ACP6: variants seen among roughly 807,000 people sequenced by gnomAD.
The protein encoded by ACP6 is lysophosphatidic acid phosphatase type 6.
Under a neutral mutation model 48.1 loss-of-function variants are expected in ACP6, and 48 were observed. The ratio of observed to expected loss-of-function variants is 1.00; its 90% CI spans 0.79 to 1.27. ACP6 has a LOEUF of 1.27. Ranked by LOEUF, ACP6 falls within the 50% of genes most tolerant of loss-of-function variation. The pLI, the probability that ACP6 is intolerant of heterozygous loss-of-function variation, is 0.00. For synonymous variants in ACP6, 172 were observed against 204.2 expected (o/e 0.84, Z 1.34); for missense variants, 485 against 529.1 (o/e 0.92, Z 0.82).
intron 8 of ACP6, 108 bp downstream of exon 8, chr1:147,650,035 G>T: frequency 1.1e-6 from 1 of 873,112 alleles, no homozygotes; most frequent in Non-Finnish European, 1.8e-6. Context: ...ATCTACCTTC[G>T]GTCACTGACA....
intron 8 of ACP6, among the ~76,000 whole-genome samples, chr1:147,649,569 C>T (rs587729012): frequency 2.6e-5 from 4 of 152,094 alleles, no homozygotes; most frequent in East Asian, 1.9e-4. Flanking sequence ...CTCAACCTCC[C>T]GAGTAGCTGA....
intron 5 of ACP6, 147 bp downstream of exon 5, chr1:147,655,014 G>A (rs80010497): frequency 0.026 from 16,351 of 619,854 alleles, 1,094 homozygotes; most frequent in African/African-American, 0.19. Context: ...GACAGCTGAT[G>A]TCACACTTAA....
chr1:147,652,380 A>G (rs2148905806), intron 7 of ACP6, 69 bp downstream of exon 7: 1 of 1,474,152 alleles, frequency 6.8e-7, no homozygotes, highest in Non-Finnish European at 9.2e-7. Flanking sequence ...GGCCTGATGA[A>G]CTCCTCTTCC....
Position 147,659,432 on chromosome 1 carries a change from G to C in ACP6, c.443C>G (p.Pro148Arg), listed in dbSNP as rs782376351. Residue 148 changes from proline to arginine, a missense_variant, in exon 3 of 10, where the codon CCC (proline) becomes CGC (arginine). Coordinates refer to ENST00000583509, the MANE Select transcript of ACP6 (RefSeq NM_016361.5). Reference protein sequence around the residue: ...RLRKNYVEDIPFLSPTFNPQE... With the variant: ...RLRKNYVEDIRFLSPTFNPQE... ...TGGGTTGAAGGTTGGTGAAAGAAAG[G>C]GAATGTCTTCCACATAGTTCTTCCT... 6.2e-7 allele frequency: 1 copy of C among 1,614,180 alleles called. No individual in the cohort carries two copies. Among genetic ancestry groups the C allele is most frequent in the South Asian group, 1.1e-5 (1 of 91,084 alleles).
At chr1:147,665,653 T>C (rs746802970) in intron 1 of ACP6, among the ~76,000 whole-genome samples, 27 of 152,226 alleles carry the variant, frequency 1.8e-4, no homozygotes, top group Non-Finnish European at 3.4e-4. Context: ...TCCATCCTTG[T>C]AGTTCCAGTG....
chr1:147,669,858 G>T lies in ACP6; in HGVS notation c.191C>A (p.Pro64His). The part of the protein sequence containing the change: ...QVVFRHGARS[P>H]LKPLPLEEQV... ...CTCCTCCAGCGGGAGCGGCTTGAGA[G>T]GACTCCGAGCCCCGTGTCGAAACAC... Residue 64 changes from proline to histidine, a missense_variant, in exon 1 of 10, where the codon CCT becomes CAT. Coordinates refer to ENST00000583509, the MANE Select transcript of ACP6 (RefSeq NM_016361.5). The T allele has an allele frequency of 6.3e-7, 1 of 1,597,680 alleles. No individual in the cohort carries two copies. Among genetic ancestry groups the T allele is most frequent in the Non-Finnish European group, 8.5e-7 (1 of 1,172,504 alleles).
chr1:147,635,811 C>T (rs782288510), intron 5 of ACP6, among the ~76,000 whole-genome samples: 3 of 152,106 alleles, frequency 2.0e-5, no homozygotes, highest in Non-Finnish European at 4.4e-5. Context: ...TGGCACAGTC[C>T]GCAGGCAGGA....
chr1:147,667,931 G>A (rs6667340), intron 1 of ACP6, among the ~76,000 whole-genome samples: 70,146 of 151,644 alleles, frequency 0.46, 19,201 homozygotes, highest in African/African-American at 0.76. Context: ...CGGAGGTTGC[G>A]GTGAGCCGAG....
chr1:147,660,720 T>C (rs1553212586), intron 1 of ACP6, among the ~76,000 whole-genome samples: 2 of 152,350 alleles, frequency 1.3e-5, no homozygotes, highest in Admixed American at 1.3e-4. Flanking sequence ...TTAATCTTTT[T>C]GGAAAAAATA....
chr1:147,648,088 TG>T, intron 9 of ACP6, 157 bp downstream of exon 9: 3 of 787,466 alleles, frequency 3.8e-6, no homozygotes, highest in Non-Finnish European at 6.0e-6. Flanking sequence ...GCCTGACCCC[TG>T]GGCCATAGCC....
chr1:147,647,537 C>A lies in ACP6; in HGVS notation c.1173G>T (p.Gly391=), dbSNP rs1218051285. The change falls in exon 10 of 10, where the codon GGG becomes GGT. Residue 391 remains glycine, a synonymous_variant. Transcript: ENST00000583509. ...TCAAGAACATGTCCAGCGGGCAGAGCCCATCAGGGCAACCTCTCGGCACCT... is the reference window on the plus strand; with the variant it reads ...TCAAGAACATGTCCAGCGGGCAGAGACCATCAGGGCAACCTCTCGGCACCT... The part of the protein sequence containing the change: ...KEQVPRGCPD[G]LCPLDMFLNA... The A allele has an allele frequency of 2.5e-6, 4 of 1,613,694 alleles. No individual in the cohort carries two copies. In the African/African-American group the frequency reaches 4.0e-5, roughly 16 times the overall value.
Position 147,648,407 on chromosome 1 carries a change from G to A in ACP6, c.982C>T (p.Leu328=), listed in dbSNP as rs782386072. 4.3e-6 allele frequency: 7 copies of A among 1,614,006 alleles called. No homozygotes were observed. ...ACATCATGAGCCGCATAGAGATACA[G>A]CTTTCTGCAAGAGGAAACAGCTCTC... ...SATAPDKIRK[L]YLYAAHDVTF... Residue 328 remains leucine, a synonymous_variant, in exon 9 of 10, where the codon CTG becomes TTG. Coordinates refer to ENST00000583509, the MANE Select transcript of ACP6 (RefSeq NM_016361.5).
rs1197211203 is a variant in ACP6, at chr1:147,643,342, T to G, written c.*4081A>C. The G allele has an allele frequency of 2.6e-5, 4 of 152,206 alleles. No individual in the cohort carries two copies. Among genetic ancestry groups the G allele is most frequent in the Non-Finnish European group, 5.9e-5 (4 of 68,042 alleles). 9.4% of individuals were successfully genotyped at this position (152,206 alleles called of 1,614,324 possible). Reference sequence around the variant, plus strand: ...GCCGACATTTCCAAGAGCCTATTGATAGCATCAAGTGAGGACTTACTGTAC... The same window carrying G: ...GCCGACATTTCCAAGAGCCTATTGAGAGCATCAAGTGAGGACTTACTGTAC... On this transcript the variant is annotated 3_prime_UTR_variant, in exon 10 of 10. Transcript: ENST00000583509.
Position 147,646,599 on chromosome 1 carries a change from A to G in ACP6, c.*824T>C, listed in dbSNP as rs2148901515. ...GATAGGGGGATCATCAGGTACTCTT[A>G]GGGGGCACAGTTAAAGGTGGAGCTC... On this transcript the variant is annotated 3_prime_UTR_variant, in exon 10 of 10. Transcript: ENST00000583509. The G allele has an allele frequency of 6.6e-6, 1 of 152,340 alleles. No homozygotes were observed. Among genetic ancestry groups the G allele is most frequent in the African/African-American group, 2.4e-5 (1 of 41,520 alleles). 9.4% of individuals were successfully genotyped at this position (152,340 alleles called of 1,614,324 possible).
Position 147,659,670 on chromosome 1 carries a change from G to A in ACP6, c.325C>T (p.Gln109Ter), listed in dbSNP as rs782040344. 2 of 1,614,206 alleles carry A rather than the reference G, an allele frequency of 1.2e-6. No individual in the cohort carries two copies. Among genetic ancestry groups the A allele is most frequent in the South Asian group, 2.2e-5 (2 of 91,082 alleles). ...ACCTTCAGGGTGGTCTCATGGTATT[G>A]AGAGTCGTAAGGAGAATATGGTTTC... ...GPKPYSPYDSQYHETTLKGGM... is the reference protein window; with the variant it reads ...GPKPYSPYDS Residue 109 changes from glutamine to a stop codon, truncating the protein, a stop_gained, in exon 2 of 10, where the codon CAA becomes TAA. Transcript: ENST00000583509. LOFTEE classifies it high-confidence loss of function.
chr1:147,665,852 C>G (rs1159437556), intron 1 of ACP6, among the ~76,000 whole-genome samples: 1 of 152,170 alleles, frequency 6.6e-6, no homozygotes, highest in Non-Finnish European at 1.5e-5. Flanking sequence ...TAATAGTGTC[C>G]ACCCCACATA....
At chr1:147,659,612 A>G (rs1553212344) in intron 2 of ACP6, 35 bp downstream of exon 2, 1 of 1,613,818 alleles carries the variant, frequency 6.2e-7, no homozygotes, top group Non-Finnish European at 8.5e-7. Flanking sequence ...CAACCTTTGC[A>G]GTGGGGCTCC....
At position 147,648,878 on chromosome 1, in the gene ACP6, C is replaced by A. The variant is rs1659766638; in HGVS notation, c.978-467G>T. ...CCCATTTGGCCCTCAGCACATTCTC[C>A]AAATGGCTTTAATCTGTAATAAGAA... On this transcript the variant is annotated intron_variant, in intron 8 of 9. Transcript: ENST00000583509. Among the ~76,000 whole-genome samples the A allele has an allele frequency of 2.6e-5, 4 of 152,144 alleles. No individual in the cohort carries two copies. In the South Asian group the frequency reaches 8.3e-4, roughly 32 times the overall value.
chr1:147,668,766 T>C (rs1293495927), intron 1 of ACP6, among the ~76,000 whole-genome samples: 1 of 152,166 alleles, frequency 6.6e-6, no homozygotes, highest in Non-Finnish European at 1.5e-5. Flanking sequence ...GGTAATAGAA[T>C]TAAGTGCCTT....
Sources: gnomAD v4.1 joint callset for allele counts (sites outside exome capture counted in the v4.1 genomes callset) on GRCh38, gnomAD v4.1.1 for gene constraint, MANE v1.5 for transcripts, NCBI Gene and HGNC (gene_info 2026-07-23, HGNC 2026-07-21) for gene names.